The following SLC22A9 variants were observed in gnomAD, a reference collection of about 807,000 sequenced individuals.
The protein encoded by SLC22A9 is organic anion transporter 7.
SLC22A9 carries 64 observed loss-of-function variants against 50.1 expected under a neutral mutation model. The ratio of observed to expected loss-of-function variants is 1.28; its 90% CI spans 1.04 to 1.57. SLC22A9 has a LOEUF of 1.57. SLC22A9 is among the 40% of genes most tolerant of loss of function. The pLI, the probability that SLC22A9 is intolerant of heterozygous loss-of-function variation, is 0.00. For synonymous variants in SLC22A9, 261 were observed against 242.5 expected, an observed-to-expected ratio of 1.08 and a Z score of -0.71; for missense variants, 757 against 676.1, an observed-to-expected ratio of 1.12 and a Z score of -1.33.
At chr11:63,393,772 G>A (rs2014805200) in intron 6 of SLC22A9, among the ~76,000 whole-genome samples, 1 of 152,044 alleles carries the variant, frequency 6.6e-6, no homozygotes, top group Non-Finnish European at 1.5e-5. Context: ...ATGATTATGT[G>A]TCTTGGGGTT....
At chr11:63,406,854 C>T in intron 7 of SLC22A9, 143 bp downstream of exon 7, 1 of 932,218 alleles carries the variant, frequency 1.1e-6, no homozygotes, top group South Asian at 1.8e-5. Context: ...GGATTTGGGA[C>T]AGATTCTGCC....
At chr11:63,393,183 T>C (rs1481854766) in intron 6 of SLC22A9, among the ~76,000 whole-genome samples, 1 of 152,178 alleles carries the variant, frequency 6.6e-6, no homozygotes, top group Non-Finnish European at 1.5e-5. Flanking sequence ...TTTGTAGCTT[T>C]CCTTGTAGGG....
At chr11:63,396,731 T>G (rs1200767181) in intron 6 of SLC22A9, among the ~76,000 whole-genome samples, 3 of 152,204 alleles carry the variant, frequency 2.0e-5, no homozygotes, top group Non-Finnish European at 4.4e-5. Context: ...TTTCAATTTC[T>G]TTGTCAAATT....
Position 63,373,701 on chromosome 11 carries a change from C to A in SLC22A9, c.564C>A (p.Thr188=). The A allele has an allele frequency of 6.2e-7, 1 of 1,611,022 alleles. No individual in the cohort carries two copies. Among genetic ancestry groups the A allele is most frequent in the Non-Finnish European group, 8.5e-7 (1 of 1,178,802 alleles). The change falls in exon 3 of 10, where the codon ACC becomes ACA. Residue 188 remains threonine, a synonymous_variant. Coordinates refer to ENST00000279178, the MANE Select transcript of SLC22A9 (RefSeq NM_080866.3). The stretch of plus-strand genomic sequence containing the variant: ...ACCTCCAGGTTGCCATTGTTGGCAC[C>A]TGTGCAGCCTTGGCTCCCACCTTCC... ...WCYLQVAIVG[T]CAALAPTFLI...
chr11:63,410,200 C>A lies in SLC22A9; in HGVS notation c.*338C>A. The stretch of plus-strand genomic sequence containing the variant: ...GAAATTGCAATGAGCCAAGATTGGG[C>A]CACTGCATTCCAGCCTGGTGACAGA... On this transcript the variant is annotated 3_prime_UTR_variant, in exon 10 of 10. Transcript: ENST00000279178. The A allele has an allele frequency of 7.1e-6, 1 of 141,828 alleles. No homozygotes were observed. The allele number at this position is 141,828 out of a possible 1,614,324, so 8.8% of individuals were successfully genotyped here. A position where few individuals can be genotyped will look rare whatever the true frequency, so the allele number is the denominator to read the frequency against.
Position 63,373,511 on chromosome 11 carries a change from T to C in SLC22A9, c.507-133T>C, listed in dbSNP as rs78600345. The C allele has an allele frequency of 4.8e-3, 4,032 of 831,532 alleles. 108 individuals carry two copies. In the Admixed American group the frequency reaches 0.071, roughly 15 times the overall value. The allele number at this position is 831,532 out of a possible 1,614,324, so 51.5% of individuals were successfully genotyped here. On this transcript the variant is annotated intron_variant, in intron 2 of 9. Transcript: ENST00000279178. ...GTGTCTGAGATCTGCCATTGATTAC[T>C]GATTCTTTAAGGCTTCAAATGCAAA... is the stretch of plus-strand genomic sequence containing the variant.
chr11:63,404,162 C>G lies in SLC22A9; in HGVS notation c.1074-2335C>G, dbSNP rs1055190035. Among the ~76,000 whole-genome samples the G allele has an allele frequency of 8.6e-5, 13 of 151,946 alleles. 1 individual carries two copies. The highest frequency in any genetic ancestry group is 7.2e-4 in the Admixed American group (11 of 15,240). On this transcript the variant is annotated intron_variant, in intron 6 of 9. Coordinates refer to ENST00000279178, the MANE Select transcript of SLC22A9 (RefSeq NM_080866.3). The stretch of plus-strand genomic sequence containing the variant: ...TATACCTATAATGGAATATTAGCCT[C>G]AAAAAAGAAAGAAAAAGGTCATACC...
chr11:63,391,816 AT>A (rs147684690), intron 6 of SLC22A9, among the ~76,000 whole-genome samples: 6,686 of 151,740 alleles, frequency 0.044, 182 homozygotes, highest in Non-Finnish European at 0.068. Context: ...GTTATTATTG[AT>A]TTTAAAAAAA....
chr11:63,395,782 T>A lies in SLC22A9; in HGVS notation c.1074-10715T>A, dbSNP rs528328176. On this transcript the variant is annotated intron_variant, in intron 6 of 9. Transcript: ENST00000279178. Reference sequence around the variant, plus strand: ...GGGCCCTAGAACTCCCAAGAATATATGCCTTTTGTCTTCAGAAGTTGGGTA... The same window carrying A: ...GGGCCCTAGAACTCCCAAGAATATAAGCCTTTTGTCTTCAGAAGTTGGGTA... Among the ~76,000 whole-genome samples the A allele has an allele frequency of 1.7e-4, 26 of 152,258 alleles. No homozygotes were observed. The South Asian group carries it at 5.4e-3, about 32-fold the overall frequency.
intron 5 of SLC22A9, among the ~76,000 whole-genome samples, chr11:63,377,763 T>A (rs889915890): frequency 1.3e-5 from 2 of 151,628 alleles, no homozygotes; most frequent in Non-Finnish European, 3.0e-5. Context: ...AAACCAAAGA[T>A]TGGTAATTTG....
At chr11:63,378,719 G>T (rs979640307) in intron 5 of SLC22A9, among the ~76,000 whole-genome samples, 1 of 151,978 alleles carries the variant, frequency 6.6e-6, no homozygotes, top group Non-Finnish European at 1.5e-5. Context: ...ATTTCTATAC[G>T]CTGACATCGT....
intron 6 of SLC22A9, among the ~76,000 whole-genome samples, chr11:63,382,686 C>T (rs995470518): frequency 6.6e-6 from 1 of 152,056 alleles, no homozygotes; most frequent in Non-Finnish European, 1.5e-5. Flanking sequence ...ATAAAAACCT[C>T]TAAAATACTA....
intron 2 of SLC22A9, 38 bp from the exon 3 acceptor site, chr11:63,373,606 T>C (rs1418584008): frequency 7.4e-6 from 11 of 1,483,718 alleles, no homozygotes; most frequent in African/African-American, 5.7e-5. Flanking sequence ...CCACTTGTTG[T>C]TATTGTTCCC....
intron 6 of SLC22A9, among the ~76,000 whole-genome samples, chr11:63,391,554 T>G (rs2014764476): frequency 6.6e-6 from 1 of 152,108 alleles, no homozygotes; most frequent in African/African-American, 2.4e-5. Context: ...TCTTAATCAT[T>G]ATATAATTAC....
intron 6 of SLC22A9, among the ~76,000 whole-genome samples, chr11:63,394,690 C>T (rs545654391): frequency 1.6e-4 from 24 of 152,228 alleles, no homozygotes; most frequent in Admixed American, 3.3e-4. Flanking sequence ...GATAACCTGA[C>T]GACAATGTGC....
Position 63,406,662 on chromosome 11 carries a change from C to T in SLC22A9, c.1239C>T (p.Leu413=). Residue 413 remains leucine (L), a synonymous_variant, in exon 7 of 10, where the codon CTC becomes CTT. Transcript: ENST00000279178. Reference sequence around the variant, plus strand: ...ACCGTCGAGCAAGCCAGATGCTTCTCATGTTCCTACTGGCAATCTGCCTTC... The same window carrying T: ...ACCGTCGAGCAAGCCAGATGCTTCTTATGTTCCTACTGGCAATCTGCCTTC... ...YMNRRASQML[L]MFLLAICLLA... 6.2e-7 allele frequency: 1 copy of T among 1,613,740 alleles called. No homozygotes were observed. Among genetic ancestry groups the T allele is most frequent in the Non-Finnish European group, 8.5e-7 (1 of 1,179,814 alleles).
rs1403496588 is a variant in SLC22A9, at chr11:63,406,518, T to C, written c.1095T>C (p.Tyr365=). 17 of 1,613,552 alleles carry C rather than the reference T, an allele frequency of 1.1e-5. No homozygotes were observed. The highest frequency in any genetic ancestry group is 1.4e-5 in the Non-Finnish European group (16 of 1,179,674). ...ACAGATTTGCAAACTTTATGGCCTA[T>C]TTTGGCCTTAATCTCCATGTCCAGC... ...SFTRFANFMA[Y]FGLNLHVQHL... is the part of the protein sequence containing the mutation. Residue 365 remains tyrosine, a synonymous_variant, in exon 7 of 10, where the codon TAT becomes TAC. Transcript: ENST00000279178.
intron 6 of SLC22A9, among the ~76,000 whole-genome samples, chr11:63,382,716 G>GA (rs2014588032): frequency 6.6e-6 from 1 of 152,014 alleles, no homozygotes; most frequent in African/African-American, 2.4e-5. Flanking sequence ...CGCAAGCATA[G>GA]AAAAAACATA....
chr11:63,382,493 A>G (rs537103308), intron 6 of SLC22A9, among the ~76,000 whole-genome samples: 1 of 152,300 alleles, frequency 6.6e-6, no homozygotes, highest in South Asian at 2.1e-4. Flanking sequence ...GCAACACCCT[A>G]TCAGGCTCTT....
Sources: allele counts gnomAD v4.1 joint callset (sites outside exome capture counted in the v4.1 genomes callset), GRCh38; gene constraint gnomAD v4.1.1; transcripts MANE v1.5; gene names NCBI Gene and HGNC (gene_info 2026-07-23, HGNC 2026-07-21).